Variants in PRH1 observed in about 807,000 individuals in gnomAD.
PRH1 encodes salivary acidic proline-rich phosphoprotein 1/2.
In PRH1, 7 loss-of-function variants were observed where a neutral mutation model predicts 7.9. The observed-to-expected ratio is 0.89, with a 90% CI of 0.50 to 1.67. The LOEUF is 1.67. PRH1 is among the 40% of genes most tolerant of loss of function. PRH1 has a pLI of 0.00. For missense variants in PRH1, 109 were observed against 223.6 expected (o/e 0.49, Z 3.27); for synonymous variants, 45 against 80.8 (o/e 0.56, Z 2.38).
At position 11,007,444 on chromosome 12, in the gene PRH1, T is replaced by C. The variant is rs186521835; in HGVS notation, c.-125-33723A>G. Among the ~76,000 whole-genome samples, 64 of 152,264 alleles carry C rather than the reference T, an allele frequency of 4.2e-4. No homozygotes were observed. The East Asian group carries it at 0.012, about 29-fold the overall frequency. ...GGTTTTCAGACCAGAATAATATTTA[T>C]CAAACATATTTCTCATGCTTAGGCC... On this transcript the variant is annotated intron_variant, in intron 1 of 3. Coordinates refer to the PRH1 transcript ENST00000539853.
rs550448773 is a variant in PRH1, at chr12:10,943,920, T to C, written c.-59+29735A>G. Among the ~76,000 whole-genome samples the C allele has an allele frequency of 3.3e-5, 5 of 152,338 alleles. No homozygotes were observed. The East Asian group carries it at 5.8e-4, about 18-fold the overall frequency. ...TTTCTGGGATCTCTATTCTGTTCCA[T>C]TGGTGTATGTACCTGTTTTTATGCC... is the stretch of plus-strand genomic sequence containing the variant. On this transcript the variant is annotated intron_variant, in intron 2 of 3. Coordinates refer to the PRH1 transcript ENST00000539853.
At chr12:11,030,315 C>T (rs976695547) in intron 1 of PRH1, 64 of 1,532,394 alleles carry the variant, frequency 4.2e-5, no homozygotes, top group Admixed American at 2.2e-5. Context: ...CATACACATA[C>T]AGTATAGAAA....
intron 2 of PRH1, chr12:10,908,100 C>A (rs1949832568): frequency 6.1e-6 from 2 of 329,100 alleles, no homozygotes; most frequent in Admixed American, 4.5e-5. Flanking sequence ...TTACAATTAA[C>A]ATCTAAGTAT....
intron 1 of PRH1, among the ~76,000 whole-genome samples, chr12:11,144,567 G>A (rs1592099671): frequency 1.3e-5 from 2 of 152,170 alleles, no homozygotes; most frequent in Middle Eastern, 3.2e-3. Context: ...AGCCTGTGAC[G>A]TCTGCATGCC....
At position 10,930,579 on chromosome 12, in the gene PRH1, G is replaced by C. The variant is rs181661214; in HGVS notation, c.-59+43076C>G. The stretch of plus-strand genomic sequence containing the variant: ...GAGGCAGGTCAGGGAGAGAGGGGCC[G>C]GCCGTGTGGTGAAGACAGAGAGATA... On this transcript the variant is annotated intron_variant, in intron 2 of 3. Transcript: ENST00000539853. 5.8e-5 allele frequency: 92 copies of C among 1,577,768 alleles called. No individual in the cohort carries two copies. The Middle Eastern group carries it at 1.0e-3, about 18-fold the overall frequency.
chr12:10,884,041 C>T, intron 1 of PRH1, 113 bp downstream of exon 1: 1 of 1,274,712 alleles, frequency 7.8e-7, no homozygotes, highest in Non-Finnish European at 1.1e-6. Flanking sequence ...CATGAGAACT[C>T]TGCAGTCCCA....
intron 1 of PRH1, among the ~76,000 whole-genome samples, chr12:11,146,020 G>A (rs889038132): frequency 1.3e-5 from 2 of 152,218 alleles, no homozygotes; most frequent in Admixed American, 6.5e-5. Flanking sequence ...CAAAAAGTAT[G>A]TGTACATAGA....
chr12:10,891,108 C>T lies in PRH1; in HGVS notation c.-58-6833G>A, dbSNP rs965368126. 3.3e-5 allele frequency among the ~76,000 whole-genome samples: 5 copies of T among 151,994 alleles called. No individual in the cohort carries two copies. In the South Asian group the frequency reaches 6.2e-4, roughly 19 times the overall value. On this transcript the variant is annotated intron_variant, in intron 2 of 3. Transcript: ENST00000539853. ...GGTCAGGAAGATCTCAGGCCCAGCCCGAATCCCTAAAGCAATTGACATCAG... is the reference window on the plus strand; with the variant it reads ...GGTCAGGAAGATCTCAGGCCCAGCCTGAATCCCTAAAGCAATTGACATCAG...
chr12:11,104,779 G>A (rs867126946), intron 1 of PRH1, among the ~76,000 whole-genome samples: 5 of 152,042 alleles, frequency 3.3e-5, no homozygotes. Context: ...TAGGAGTAGT[G>A]TATGAAAATT....
intron 1 of PRH1, among the ~76,000 whole-genome samples, chr12:11,142,866 C>T (rs1485329544): frequency 2.0e-5 from 3 of 152,036 alleles, no homozygotes; most frequent in Non-Finnish European, 4.4e-5. Flanking sequence ...ATTCTTCAAA[C>T]ATGAAAGAGA....
At chr12:11,046,942 A>G (rs1223879603) in intron 1 of PRH1, 5 of 451,220 alleles carry the variant, frequency 1.1e-5, no homozygotes, top group Non-Finnish European at 1.9e-5. Flanking sequence ...TTGTATCAGG[A>G]TGAAATTGGA....
intron 1 of PRH1, among the ~76,000 whole-genome samples, chr12:11,083,937 G>GTATAGTGTTCTATTGTACGTTA (rs1311213420): frequency 2.0e-4 from 15 of 74,116 alleles, no homozygotes; most frequent in Admixed American, 4.2e-4. Context: ...TGGTTCTGCT[G>GTATAGTGTTCTATTGTACGTTA]GGACAATTAA....
Position 10,933,888 on chromosome 12 carries a change from A to C in PRH1, c.-59+39767T>G, listed in dbSNP as rs950214860. On this transcript the variant is annotated intron_variant, in intron 2 of 3. Transcript: ENST00000539853. ...GCACATAACAGAGATACATATATTC[A>C]AATGGAAGGAGTAAAATTACCACCA... Among the ~76,000 whole-genome samples the C allele has an allele frequency of 6.6e-5, 10 of 152,264 alleles. No homozygotes were observed. In the East Asian group the frequency reaches 1.9e-3, roughly 29 times the overall value.
intron 1 of PRH1, among the ~76,000 whole-genome samples, chr12:11,167,705 C>T (rs1009177373): frequency 1.3e-5 from 2 of 152,142 alleles, no homozygotes; most frequent in African/African-American, 4.8e-5. Flanking sequence ...CTCAGCCTCC[C>T]AAAGTGCTAA....
chr12:11,089,380 C>T (rs191446348), intron 1 of PRH1, among the ~76,000 whole-genome samples: 4 of 116,208 alleles, frequency 3.4e-5, no homozygotes, highest in East Asian at 4.2e-4. Context: ...CTCACTTCCA[C>T]GGACTAATGC....
chr12:10,997,378 G>C, intron 1 of PRH1: 2 of 1,614,084 alleles, frequency 1.2e-6, no homozygotes, highest in Non-Finnish European at 1.7e-6. Flanking sequence ...TCCTCAGTTT[G>C]ATCTTCCAAG....
intron 1 of PRH1, among the ~76,000 whole-genome samples, chr12:11,018,916 G>A (rs1252237052): frequency 2.0e-5 from 3 of 152,270 alleles, no homozygotes; most frequent in South Asian, 2.1e-4. Flanking sequence ...TCTGGTGGGG[G>A]GAAAGTAAAC....
chr12:10,995,736 T>A (rs951970063), intron 1 of PRH1, among the ~76,000 whole-genome samples: 5 of 152,110 alleles, frequency 3.3e-5, no homozygotes, highest in Admixed American at 1.3e-4. Flanking sequence ...CTGAAATATA[T>A]AACATCAGAT....
At chr12:10,912,355 A>C (rs535553134) in intron 2 of PRH1, among the ~76,000 whole-genome samples, 46 of 152,184 alleles carry the variant, frequency 3.0e-4, no homozygotes, top group Admixed American at 7.2e-4. Context: ...GACTTTCTAG[A>C]TATTTGTCAG....
Sources: allele counts gnomAD v4.1 joint callset (sites outside exome capture counted in the v4.1 genomes callset), GRCh38; gene constraint gnomAD v4.1.1; transcripts MANE v1.5; gene names NCBI Gene and HGNC (gene_info 2026-07-23, HGNC 2026-07-21).